Variants in CXADR observed in about 807,000 individuals in gnomAD.
CXADR encodes the protein CXADR cell adhesion molecule.
In CXADR, 20 loss-of-function variants were observed where a neutral mutation model predicts 40.3. The observed-to-expected ratio is 0.50, with a 90% CI of 0.35 to 0.72. The LOEUF (loss-of-function observed/expected upper bound fraction) is 0.72. CXADR is among the 30% of genes least tolerant of loss of function. The pLI is 0.01. For missense variants in CXADR, 332 were observed against 449.1 expected (o/e 0.74, Z 2.36); for synonymous variants, 150 against 161.3 (o/e 0.93, Z 0.53).
downstream of CXADR, among the ~76,000 whole-genome samples, chr21:17,596,084 C>CT (rs35779493): frequency 6.6e-6 from 1 of 151,892 alleles, no homozygotes; most frequent in African/African-American, 2.4e-5. Flanking sequence ...TCCTCCTGCC[C>CT]TTTTTTTGAG....
chr21:17,567,651 A>G lies in CXADR; in HGVS notation c.*1959A>G. On this transcript the variant is annotated 3_prime_UTR_variant, in exon 7 of 7. Transcript: ENST00000284878. ...CCCAACACTCTATGTTTCTGATTTT[A>G]TAACAGTAGCCATTTTTGAAAGTCA... 1 of 982,396 alleles carries G rather than the reference A, an allele frequency of 1.0e-6. No homozygotes were observed. The highest frequency in any genetic ancestry group is 1.2e-6 in the Non-Finnish European group (1 of 827,092). 60.9% of individuals were successfully genotyped at this position (982,396 alleles called of 1,614,324 possible).
At position 17,555,074 on chromosome 21, in the gene CXADR, A is replaced by C. The variant is rs377599905; in HGVS notation, c.415+3121A>C. Among the ~76,000 whole-genome samples the C allele has an allele frequency of 2.0e-5, 3 of 152,342 alleles. No homozygotes were observed. In the East Asian group the frequency reaches 5.8e-4, roughly 29 times the overall value. On this transcript the variant is annotated intron_variant, in intron 3 of 6. Coordinates refer to ENST00000284878, the MANE Select transcript of CXADR (RefSeq NM_001338.5). ...TGTGGATGCAGCTCAGTAAAGAAGCAGAAGTGGGAAATGATAACAAAGAGA... is the reference window on the plus strand; with the variant it reads ...TGTGGATGCAGCTCAGTAAAGAAGCCGAAGTGGGAAATGATAACAAAGAGA...
At chr21:17,625,791 G>A in the CXADR span, among the ~76,000 whole-genome samples, 2 of 152,096 alleles carry the variant, frequency 1.3e-5, no homozygotes, top group African/African-American at 4.8e-5. Flanking sequence ...GATGATTCTA[G>A]CACCGGAGAT....
chr21:17,543,082 AAAC>A (rs770868267), intron 1 of CXADR: 2 of 345,582 alleles, frequency 5.8e-6, no homozygotes, highest in East Asian at 9.2e-5. Context: ...GAAAAACAAA[AAAC>A]AAAAAAATCT....
At chr21:17,604,172 A>G in the CXADR span, 4 of 1,273,972 alleles carry the variant, frequency 3.1e-6, no homozygotes, top group Non-Finnish European at 4.1e-6. Flanking sequence ...GGCCGGGCGC[A>G]GTGGCTCACG....
rs1601004981 is a variant in CXADR at position 17,551,813 on chromosome 21, AT to A, written c.279del (p.Phe93LeufsTer13). 1 of 1,613,872 alleles carries A rather than the reference AT, an allele frequency of 6.2e-7. No homozygotes were observed. The highest frequency in any genetic ancestry group is 8.5e-7 in the Non-Finnish European group (1 of 1,179,836). On this transcript the variant is annotated frameshift_variant, in exon 3 of 7. Coordinates refer to ENST00000284878, the MANE Select transcript of CXADR (RefSeq NM_001338.5). LOFTEE classifies it high-confidence loss of function. ...TATCCAGATCTGAAAGGCCGAGTAC[AT>A]TTTACGAGTAATGATCTCAAATCTG... ...DYYPDLKGRVHFTSNDLKSGD... is the reference protein window; with the variant it reads ...DYYPDLKGRVXFTSNDLKSGD...
chr21:17,567,700 A>C lies in CXADR; in HGVS notation c.*2008A>C, dbSNP rs1454306794. 1 of 880,930 alleles carries C rather than the reference A, an allele frequency of 1.1e-6. No homozygotes were observed. Among genetic ancestry groups the C allele is most frequent in the African/African-American group, 1.8e-5 (1 of 55,722 alleles). The allele number at this position is 880,930 out of a possible 1,614,324, so 54.6% of individuals were successfully genotyped here. The stretch of plus-strand genomic sequence containing the variant: ...CAGATGTTTGGCCTGTTTTATATGA[A>C]TAAAGTTTATTTATAAAATATTATA... On this transcript the variant is annotated 3_prime_UTR_variant, in exon 7 of 7. Coordinates refer to ENST00000284878, the MANE Select transcript of CXADR (RefSeq NM_001338.5).
chr21:17,513,712 C>G (rs1410459857), intron 1 of CXADR, among the ~76,000 whole-genome samples: 1 of 152,210 alleles, frequency 6.6e-6, no homozygotes, highest in Admixed American at 6.5e-5. Context: ...TGAGCGAACG[C>G]CAGCCTGGAC....
At chr21:17,626,362 T>C in the CXADR span, among the ~76,000 whole-genome samples, 2 of 152,230 alleles carry the variant, frequency 1.3e-5, no homozygotes, top group South Asian at 2.1e-4. Context: ...TCCTGGACCA[T>C]CTGAATCTGA....
intron 1 of CXADR, among the ~76,000 whole-genome samples, chr21:17,527,463 G>A (rs2060610762): frequency 6.6e-6 from 1 of 152,152 alleles, no homozygotes; most frequent in South Asian, 2.1e-4. Flanking sequence ...GGAAGTTTGA[G>A]GGCAAATAAA....
downstream of CXADR, among the ~76,000 whole-genome samples, chr21:17,596,072 G>A (rs912667676): frequency 2.6e-5 from 4 of 151,920 alleles, no homozygotes; most frequent in African/African-American, 9.7e-5. Context: ...CACATCTTTT[G>A]CTCCTCCTGC....
chr21:17,590,226 G>GTT (rs1311452213), intron 7 of CXADR, among the ~76,000 whole-genome samples: 1 of 48,896 alleles, frequency 2.0e-5, no homozygotes, highest in Non-Finnish European at 4.5e-5. Flanking sequence ...TTGTAGCTAG[G>GTT]TATTTTTTTT....
the CXADR span, among the ~76,000 whole-genome samples, chr21:17,603,080 T>A: frequency 6.6e-6 from 1 of 152,232 alleles, no homozygotes; most frequent in Admixed American, 6.5e-5. Context: ...TCACATTTCA[T>A]GGGTTAAGAA....
At chr21:17,577,379 T>C (rs900928189) in intron 7 of CXADR, among the ~76,000 whole-genome samples, 1 of 152,210 alleles carries the variant, frequency 6.6e-6, no homozygotes, top group Non-Finnish European at 1.5e-5. Context: ...TATATATCCA[T>C]TTTAATGAAG....
chr21:17,629,359 G>A, the CXADR span, among the ~76,000 whole-genome samples: 8 of 135,634 alleles, frequency 5.9e-5, no homozygotes, highest in African/African-American at 1.4e-4. Context: ...CAGCCTGGGC[G>A]ACAGAGAGAG....
downstream of CXADR, among the ~76,000 whole-genome samples, chr21:17,572,100 G>A (rs1176539451): frequency 6.6e-6 from 1 of 151,916 alleles, no homozygotes; most frequent in African/African-American, 2.4e-5. Context: ...GGTGGCTCAC[G>A]CCTGTAATCC....
chr21:17,627,353 C>T, the CXADR span, among the ~76,000 whole-genome samples: 2,101 of 151,812 alleles, frequency 0.014, 52 homozygotes, highest in African/African-American at 0.048. Flanking sequence ...CAAAACTTCA[C>T]CTCGAAAAAA....
downstream of CXADR, chr21:17,594,437 A>T: frequency 1.7e-5 from 22 of 1,288,514 alleles, no homozygotes; most frequent in African/African-American, 4.5e-5. Context: ...CACTGAGATC[A>T]CATCTAAGTG....
chr21:17,619,699 T>G, the CXADR span, among the ~76,000 whole-genome samples: 3 of 152,118 alleles, frequency 2.0e-5, no homozygotes, highest in South Asian at 6.2e-4. Flanking sequence ...CTGCTTCCAT[T>G]ATAAGGTTGC....
Sources: allele counts gnomAD v4.1 joint callset (sites outside exome capture counted in the v4.1 genomes callset), GRCh38; gene constraint gnomAD v4.1.1; transcripts MANE v1.5; gene names NCBI Gene and HGNC (gene_info 2026-07-23, HGNC 2026-07-21).